SOD2: variants seen among roughly 807,000 people sequenced by gnomAD.
SOD2 encodes superoxide dismutase [Mn], mitochondrial.
In SOD2, 11 loss-of-function variants were observed where a neutral mutation model predicts 27.0. The observed-to-expected ratio is 0.41, with a 90% CI of 0.26 to 0.67. SOD2 has a LOEUF of 0.67. Ranked by LOEUF, SOD2 falls within the 30% of genes least tolerant of loss-of-function variation. SOD2 has a pLI of 0.34. For missense variants in SOD2, 250 were observed against 274.5 expected (o/e 0.91, Z 0.63); for synonymous variants, 105 against 103.0 (o/e 1.02, Z -0.12).
At chr6:159,740,723 A>G (rs1779204234) in intron 1 of SOD2, among the ~76,000 whole-genome samples, 1 of 135,952 alleles carries the variant, frequency 7.4e-6, no homozygotes, top group African/African-American at 2.7e-5. Context: ...TTTTTTTTTT[A>G]AGACAGAGTC....
intron 1 of SOD2, among the ~76,000 whole-genome samples, chr6:159,736,993 AG>A (rs1778963325): frequency 6.6e-6 from 1 of 152,204 alleles, no homozygotes; most frequent in African/African-American, 2.4e-5. Flanking sequence ...AAATGAATAA[AG>A]GATTGTATTA....
intron 1 of SOD2, among the ~76,000 whole-genome samples, chr6:159,733,742 C>T (rs1441703919): frequency 3.3e-5 from 5 of 151,992 alleles, no homozygotes; most frequent in South Asian, 2.1e-4. Context: ...GGAGAAACCC[C>T]GTCTCTACTA....
Position 159,753,231 on chromosome 6 carries a change from G to T in SOD2, c.-335-4555C>A. The T allele has an allele frequency of 9.3e-6, 5 of 538,952 alleles. No homozygotes were observed. The South Asian group carries it at 1.0e-4, about 11-fold the overall frequency. The allele number at this position is 538,952 out of a possible 1,614,324, so 33.4% of individuals were successfully genotyped here. A position where few individuals can be genotyped will look rare whatever the true frequency, so the allele number is the denominator to read the frequency against. On this transcript the variant is annotated intron_variant, in intron 1 of 7. Coordinates refer to the SOD2 transcript ENST00000546087. Reference sequence around the variant, plus strand: ...TGATTATTGATGTAATAGAAACAAGGTGTAGCTGTTTGGGCACTTTTTGTT... The same window carrying T: ...TGATTATTGATGTAATAGAAACAAGTTGTAGCTGTTTGGGCACTTTTTGTT...
intron 1 of SOD2, among the ~76,000 whole-genome samples, chr6:159,750,911 T>C (rs992162049): frequency 6.6e-6 from 1 of 152,260 alleles, no homozygotes; most frequent in African/African-American, 2.4e-5. Flanking sequence ...CACGCACGTG[T>C]GTGTCTTCGC....
At chr6:159,758,503 A>T (rs1998365) in intron 1 of SOD2, among the ~76,000 whole-genome samples, 117,957 of 152,174 alleles carry the variant, frequency 0.78, 46,016 homozygotes, top group South Asian at 0.85. Flanking sequence ...CTGACAACTT[A>T]CTTTCTCAGA....
At chr6:159,686,207 T>A (rs944106093) in intron 3 of SOD2, among the ~76,000 whole-genome samples, 4 of 152,220 alleles carry the variant, frequency 2.6e-5, no homozygotes, top group Admixed American at 1.3e-4. Context: ...ATCATCTTTA[T>A]AAGCACAAAT....
chr6:159,699,800 A>G (rs79911157), intron 1 of SOD2, among the ~76,000 whole-genome samples: 2,096 of 152,232 alleles, frequency 0.014, 50 homozygotes, highest in African/African-American at 0.047. Flanking sequence ...AGCACAACCC[A>G]GGGGCTGCAC....
chr6:159,731,130 G>T (rs1359047796), upstream of SOD2, among the ~76,000 whole-genome samples: 1 of 151,786 alleles, frequency 6.6e-6, no homozygotes, highest in Non-Finnish European at 1.5e-5. Context: ...AACAGAGAGA[G>T]ACTACGTCTC....
intron 1 of SOD2, among the ~76,000 whole-genome samples, chr6:159,708,407 C>T (rs1307064761): frequency 6.6e-6 from 1 of 152,194 alleles, no homozygotes; most frequent in Non-Finnish European, 1.5e-5. Context: ...AGCTGATAAG[C>T]AACTTCGGCA....
chr6:159,693,634 C>A (rs868817103), upstream of SOD2, among the ~76,000 whole-genome samples: 1 of 152,210 alleles, frequency 6.6e-6, no homozygotes, highest in Non-Finnish European at 1.5e-5. Context: ...GGCGCCTGCC[C>A]CTGAGTTTTG....
intron 4 of SOD2, among the ~76,000 whole-genome samples, chr6:159,684,548 C>T (rs558799291): frequency 3.3e-5 from 5 of 152,014 alleles, no homozygotes; most frequent in Admixed American, 6.5e-5. Context: ...ACCCAGGAGG[C>T]GGAGGTTGCA....
chr6:159,729,803 C>T (rs6929102), upstream of SOD2, among the ~76,000 whole-genome samples: 6,848 of 152,190 alleles, frequency 0.045, 502 homozygotes, highest in African/African-American at 0.16. Context: ...ATGATTTGTT[C>T]GCCAAGGTAC....
chr6:159,732,293 A>G (rs930967217), upstream of SOD2, among the ~76,000 whole-genome samples: 1 of 152,148 alleles, frequency 6.6e-6, no homozygotes, highest in Non-Finnish European at 1.5e-5. Context: ...TATTACAACT[A>G]AAGTTGTACA....
At chr6:159,706,839 C>T (rs929272291) in intron 1 of SOD2, among the ~76,000 whole-genome samples, 3 of 152,142 alleles carry the variant, frequency 2.0e-5, no homozygotes, top group Non-Finnish European at 4.4e-5. Context: ...CACATCGCAC[C>T]TATTCCAAAA....
At chr6:159,719,939 G>A (rs916168555) in intron 1 of SOD2, among the ~76,000 whole-genome samples, 2 of 151,244 alleles carry the variant, frequency 1.3e-5, no homozygotes, top group South Asian at 4.2e-4. Context: ...GGCTAGGCTG[G>A]TCTCGAACTC....
intron 1 of SOD2, among the ~76,000 whole-genome samples, chr6:159,704,396 C>T (rs964935583): frequency 1.1e-4 from 16 of 152,164 alleles, no homozygotes; most frequent in African/African-American, 1.7e-4. Context: ...CTGTGACAGA[C>T]GGCACCTGGA....
At chr6:159,753,411 A>G (rs1583109040) in intron 1 of SOD2, 1 of 1,613,460 alleles carries the variant, frequency 6.2e-7, no homozygotes. Context: ...GTAAGCAAAG[A>G]CAGAGAGTTT....
exon 1 of SOD2, chr6:159,727,304 C>T: frequency 7.8e-7 from 1 of 1,281,034 alleles, no homozygotes. Flanking sequence ...GGGCGAGTGA[C>T]TGCGGCCACG....
intron 1 of SOD2, chr6:159,760,460 G>C (rs2114969442): frequency 6.6e-6 from 1 of 152,204 alleles, no homozygotes; most frequent in Non-Finnish European, 1.5e-5. Context: ...TGGTAGAAAC[G>C]GGATATCACC....
Sources: allele counts gnomAD v4.1 joint callset (sites outside exome capture counted in the v4.1 genomes callset), GRCh38; gene constraint gnomAD v4.1.1; transcripts MANE v1.5; gene names NCBI Gene and HGNC (gene_info 2026-07-23, HGNC 2026-07-21).